Variants in ADAMTS9 observed in about 807,000 individuals in gnomAD.
ADAMTS9 encodes the protein ADAM metallopeptidase with thrombospondin type 1 motif 9, also known as A disintegrin and metalloproteinase with thrombospondin motifs 9.
A neutral mutation model predicts 257.1 loss-of-function variants in ADAMTS9; 107 were observed. The ratio of observed to expected loss-of-function variants is 0.42; its 90% CI spans 0.36 to 0.49. The LOEUF is 0.49. Among genes scored for constraint, ADAMTS9 ranks in the 20% least tolerant of loss-of-function variants. The probability of loss-of-function intolerance (pLI) is 0.03; values close to 1 mark genes in which losing one functional copy is unlikely to be tolerated. For missense variants in ADAMTS9, 2,353 were observed against 2,469.1 expected (o/e 0.95, Z 1.00); for synonymous variants, 982 against 880.9 (o/e 1.11, Z -2.03).
Position 64,687,561 on chromosome 3 carries a change from T to G in ADAMTS9, c.97A>C (p.Arg33=). Residue 33 remains arginine, a synonymous_variant, in exon 1 of 40, where the codon AGG becomes CGG. Transcript: ENST00000498707. The surrounding 1 kb of genome is among the most constrained non-coding windows in gnomAD (Gnocchi z 4.4). ...PDAAAAVRKD[R]LHPRQVKLLE... ...TGGTTACCTTGCCTCGGGTGCAGCC[T>G]GTCCTTGCGCACGGCCGCCGCGGCG... 1 of 1,557,674 alleles carries G rather than the reference T, an allele frequency of 6.4e-7. No individual in the cohort carries two copies. The highest frequency in any genetic ancestry group is 8.7e-7 in the Non-Finnish European group (1 of 1,151,738).
intron 30 of ADAMTS9, 43 bp from the exon 31 acceptor site, chr3:64,551,105 T>C: frequency 6.3e-7 from 1 of 1,594,992 alleles, no homozygotes; most frequent in East Asian, 2.2e-5. Flanking sequence ...CGTAGTTCCT[T>C]ATATCCTATG....
chr3:64,602,073 A>C lies in ADAMTS9; in HGVS notation c.3888T>G (p.Pro1296=). Residue 1296 remains proline, a synonymous_variant, in exon 26 of 40, where the codon CCT becomes CCG. Coordinates refer to ENST00000498707, the MANE Select transcript of ADAMTS9 (RefSeq NM_182920.2). ...TDQDCSMSPC[P]QRTPDSGLAQ... is the part of the protein sequence containing the mutation. The stretch of plus-strand genomic sequence containing the variant: ...CTAAGCCACTGTCTGGGGTCCTTTG[A>C]GGGCATGGTGACATGGAACAGTCCT... The C allele has an allele frequency of 1.2e-6, 2 of 1,614,024 alleles. No individual in the cohort carries two copies. Among genetic ancestry groups the C allele is most frequent in the South Asian group, 2.2e-5 (2 of 91,056 alleles).
chr3:64,541,940 G>T lies in ADAMTS9; in HGVS notation c.5095C>A (p.Gln1699Lys). ...TTGGTTAAACATTGCACAGATCTCT[G>T]CATCACTCCAACACCACAAGACACT... is the stretch of plus-strand genomic sequence containing the variant. Reference protein sequence around the residue: ...CSVSCGVGVMQRSVQCLTNED... With the variant: ...CSVSCGVGVMKRSVQCLTNED... Residue 1699 changes from glutamine to lysine, a missense_variant, in exon 33 of 40, where the codon CAG becomes AAG. Physicochemically the swap from Gln to Lys is moderately conservative, Grantham distance 53. This residue lies in a region of ADAMTS9 where 1,402 missense variants were observed against 1,441.4 expected (regional missense o/e 0.97). Transcript: ENST00000498707. The T allele has an allele frequency of 6.2e-7, 1 of 1,614,068 alleles. No individual in the cohort carries two copies. The highest frequency in any genetic ancestry group is 1.3e-5 in the African/African-American group (1 of 75,014).
chr3:64,657,231 C>A (rs1044251887), intron 4 of ADAMTS9, among the ~76,000 whole-genome samples: 1 of 152,142 alleles, frequency 6.6e-6, no homozygotes, highest in Non-Finnish European at 1.5e-5. Flanking sequence ...GTAAAACACA[C>A]TGGATTTTGA....
At chr3:64,532,486 C>T (rs940031737) in intron 38 of ADAMTS9, among the ~76,000 whole-genome samples, 6 of 152,074 alleles carry the variant, frequency 3.9e-5, no homozygotes, top group East Asian at 1.9e-4. Context: ...CAAGTGGAAC[C>T]GTCGTAAGTC....
intron 9 of ADAMTS9, chr3:64,650,378 C>G (rs754602324): frequency 6.6e-6 from 1 of 152,630 alleles, no homozygotes; most frequent in Non-Finnish European, 1.5e-5. Context: ...ATCACTTAAC[C>G]TTTCATACTT....
intron 3 of ADAMTS9, among the ~76,000 whole-genome samples, chr3:64,669,813 C>T (rs968390327): frequency 6.6e-6 from 1 of 152,154 alleles, no homozygotes; most frequent in African/African-American, 2.4e-5. Flanking sequence ...GTCTACACAT[C>T]TCCATTACTC....
At chr3:64,625,467 C>G (rs1393224602) in intron 16 of ADAMTS9, among the ~76,000 whole-genome samples, 2 of 152,156 alleles carry the variant, frequency 1.3e-5, no homozygotes, top group Non-Finnish European at 2.9e-5. Context: ...AGATGAAGCT[C>G]TGAATATTTG....
intron 28 of ADAMTS9, among the ~76,000 whole-genome samples, chr3:64,590,237 T>C (rs1228669497): frequency 6.6e-6 from 1 of 152,176 alleles, no homozygotes; most frequent in South Asian, 2.1e-4. Flanking sequence ...TTAAAATACA[T>C]ACTTGAAGCT....
rs1274022973 is a variant in ADAMTS9 at position 64,664,399 on chromosome 3, AG to A, written c.680-5609del. 8.5e-5 allele frequency among the ~76,000 whole-genome samples: 13 copies of A among 152,298 alleles called. 1 individual carries two copies. The highest frequency in any genetic ancestry group is 2.9e-4 in the African/African-American group (12 of 41,570). On this transcript the variant is annotated intron_variant, in intron 3 of 39. Coordinates refer to ENST00000498707, the MANE Select transcript of ADAMTS9 (RefSeq NM_182920.2). ...ACTTTAGAATATTTTCATAATCCCA[AG>A]GAGAAATCCGATACCTCTTAGCAGC...
At chr3:64,652,987 GAAACATAAATT>G (rs1176675059) in intron 8 of ADAMTS9, among the ~76,000 whole-genome samples, 1 of 152,114 alleles carries the variant, frequency 6.6e-6, no homozygotes, top group Admixed American at 6.5e-5. Flanking sequence ...AGGTATACAT[GAAACATAAATT>G]CCTTGCTTAA....
intron 3 of ADAMTS9, among the ~76,000 whole-genome samples, chr3:64,661,486 G>A (rs1274280113): frequency 1.3e-5 from 2 of 152,122 alleles, no homozygotes; most frequent in East Asian, 3.9e-4. Context: ...TCCCGATGAG[G>A]AAAATAAGTC....
At chr3:64,544,421 G>A (rs1354965349) in intron 32 of ADAMTS9, among the ~76,000 whole-genome samples, 5 of 152,040 alleles carry the variant, frequency 3.3e-5, no homozygotes, top group South Asian at 2.1e-4. Flanking sequence ...TAGAGACATA[G>A]ACCAATGGAA....
chr3:64,597,639 C>G (rs546730023), intron 26 of ADAMTS9, among the ~76,000 whole-genome samples: 1 of 152,286 alleles, frequency 6.6e-6, no homozygotes, highest in East Asian at 1.9e-4. Context: ...TGAATTTCAT[C>G]ATGACAAACC....
rs146268777 is a variant in ADAMTS9 at position 64,574,169 on chromosome 3, T to C, written c.4357-5634A>G. ...ACTCATTTGGCACAAGTTATTTAGATTCAAAAAGGCCACCCCAAGAGCACT... is the reference window on the plus strand; with the variant it reads ...ACTCATTTGGCACAAGTTATTTAGACTCAAAAAGGCCACCCCAAGAGCACT... On this transcript the variant is annotated intron_variant, in intron 28 of 39. Coordinates refer to ENST00000498707, the MANE Select transcript of ADAMTS9 (RefSeq NM_182920.2). Among the ~76,000 whole-genome samples, 806 of 152,238 alleles carry C rather than the reference T, an allele frequency of 5.3e-3. 4 individuals are homozygous for C. Among genetic ancestry groups the C allele is most frequent in the Middle Eastern group, 0.034 (10 of 294 alleles).
chr3:64,556,676 T>A (rs948723190), intron 30 of ADAMTS9, among the ~76,000 whole-genome samples: 5 of 152,116 alleles, frequency 3.3e-5, no homozygotes, highest in African/African-American at 1.2e-4. Flanking sequence ...GAGTGAAAGA[T>A]GAAAGTCCAT....
intron 12 of ADAMTS9, among the ~76,000 whole-genome samples, chr3:64,641,242 C>A (rs1317672869): frequency 1.9e-5 from 2 of 107,596 alleles, no homozygotes; most frequent in Non-Finnish European, 3.8e-5. Flanking sequence ...CATTAGTGTG[C>A]TATCTTTTTT....
chr3:64,570,695 CAAAAAAAAAA>C (rs143048322), intron 28 of ADAMTS9, among the ~76,000 whole-genome samples: 2 of 47,072 alleles, frequency 4.2e-5, no homozygotes, highest in African/African-American at 1.3e-4. Context: ...GACTCCGTCT[CAAAAAAAAAA>C]AAAAAAAAAA....
Position 64,643,445 on chromosome 3 carries a change from A to ATTTTTTTTTTTTTT in ADAMTS9, c.1711-1466_1711-1453dup, listed in dbSNP as rs57471985. Among the ~76,000 whole-genome samples, 604 of 61,416 alleles carry ATTTTTTTTTTTTTT rather than the reference A, an allele frequency of 9.8e-3. 80 individuals carry two copies. The highest frequency in any genetic ancestry group is 0.011 in the African/African-American group (152 of 14,266). The allele number at this position is 61,416 out of a possible 152,430, so 40.3% of individuals were successfully genotyped here. A position where few individuals can be genotyped will look rare whatever the true frequency, so the allele number is the denominator to read the frequency against. On this transcript the variant is annotated intron_variant, in intron 11 of 39. Coordinates refer to ENST00000498707, the MANE Select transcript of ADAMTS9 (RefSeq NM_182920.2). ...GTAGTCAACATAACATTACTCAATA[A>ATTTTTTTTTTTTTT]TTTTTTTTTTTTTTTTTTTTTTTTT...
Sources: gnomAD v4.1 joint callset for allele counts (sites outside exome capture counted in the v4.1 genomes callset) on GRCh38, gnomAD v4.1.1 for gene constraint, gnomAD v4.1.1 regional missense constraint, Gnocchi (gnomAD v3.1) non-coding constraint, MANE v1.5 for transcripts, NCBI Gene and HGNC (gene_info 2026-07-23, HGNC 2026-07-21) for gene names.